The following GHR variants were observed in gnomAD, a reference collection of about 807,000 sequenced individuals.
GHR encodes the protein GH receptor.
GHR carries 35 observed loss-of-function variants against 67.1 expected under a neutral mutation model. The ratio of observed to expected loss-of-function variants is 0.52; its 90% CI spans 0.40 to 0.69. The LOEUF (loss-of-function observed/expected upper bound fraction) is 0.69, where lower values mean the gene tolerates loss of function less well. GHR is among the 30% of genes least tolerant of loss of function. GHR has a pLI of 0.00. For synonymous variants in GHR, 272 were observed against 269.1 expected (o/e 1.01, Z -0.10); for missense variants, 792 against 764.6 (o/e 1.04, Z -0.42).
chr5:42,681,970 G>A (rs1371780515), intron 3 of GHR, among the ~76,000 whole-genome samples: 3 of 146,932 alleles, frequency 2.0e-5, no homozygotes, highest in Admixed American at 1.4e-4. Flanking sequence ...ATATGCACAC[G>A]TACGTTTACT....
intron 1 of GHR, among the ~76,000 whole-genome samples, chr5:42,482,241 A>G (rs1009974022): frequency 2.0e-5 from 3 of 152,110 alleles, no homozygotes; most frequent in Non-Finnish European, 1.5e-5. Flanking sequence ...TTCCTCTGGA[A>G]GTTTTGTCTC....
chr5:42,512,037 T>C (rs1309856558), intron 1 of GHR, among the ~76,000 whole-genome samples: 1 of 152,162 alleles, frequency 6.6e-6, no homozygotes. Flanking sequence ...AATTAATATT[T>C]GATGGAAATT....
chr5:42,646,700 C>T (rs981651647), intron 3 of GHR, among the ~76,000 whole-genome samples: 2 of 151,972 alleles, frequency 1.3e-5, no homozygotes, highest in Non-Finnish European at 2.9e-5. Flanking sequence ...AAATATTGTC[C>T]CACTTTCAGT....
intron 1 of GHR, among the ~76,000 whole-genome samples, chr5:42,559,538 C>A (rs568112198): frequency 9.2e-5 from 14 of 152,092 alleles, no homozygotes; most frequent in Non-Finnish European, 1.9e-4. Flanking sequence ...CAGAGTGAGA[C>A]CCATGTCTCT....
intron 1 of GHR, among the ~76,000 whole-genome samples, chr5:42,482,148 C>T (rs982669961): frequency 1.3e-5 from 2 of 151,670 alleles, no homozygotes; most frequent in Non-Finnish European, 2.9e-5. Flanking sequence ...GACGTCCACT[C>T]CAGACCCTGT....
chr5:42,534,871 A>T (rs1415676385), intron 1 of GHR, among the ~76,000 whole-genome samples: 2 of 151,952 alleles, frequency 1.3e-5, no homozygotes, highest in Non-Finnish European at 2.9e-5. Context: ...CAGGAGCAAC[A>T]TGGTATCACA....
At position 42,456,296 on chromosome 5, in the gene GHR, C is replaced by T. The variant is rs138446694; in HGVS notation, c.-12+32341C>T. On this transcript the variant is annotated intron_variant, in intron 1 of 9. Coordinates refer to ENST00000230882, the MANE Select transcript of GHR (RefSeq NM_000163.5). ...ACTGCACTGCAGCCTGGTGACAGAGCGAGACTCCGTCTCAAAATAAATAAA... is the reference window on the plus strand; with the variant it reads ...ACTGCACTGCAGCCTGGTGACAGAGTGAGACTCCGTCTCAAAATAAATAAA... Among the ~76,000 whole-genome samples the T allele has an allele frequency of 3.9e-3, 595 of 152,166 alleles. 3 individuals carry two copies. Among genetic ancestry groups the T allele is most frequent in the African/African-American group, 0.014 (575 of 41,508 alleles).
intron 1 of GHR, among the ~76,000 whole-genome samples, chr5:42,524,401 G>A (rs948003865): frequency 7.2e-5 from 11 of 152,172 alleles, no homozygotes; most frequent in African/African-American, 2.4e-4. Context: ...CTTTGAAAGT[G>A]AGAGATGATT....
At chr5:42,474,295 G>GAGAAAGAAAAAGAA (rs1745163788) in intron 1 of GHR, among the ~76,000 whole-genome samples, 5 of 81,112 alleles carry the variant, frequency 6.2e-5, no homozygotes, top group Admixed American at 2.7e-4. Context: ...AAAAGAGAAA[G>GAGAAAGAAAAAGAA]AGAAAGAAAG....
chr5:42,507,279 A>G (rs747362677), intron 1 of GHR, among the ~76,000 whole-genome samples: 2 of 152,252 alleles, frequency 1.3e-5, no homozygotes, highest in Non-Finnish European at 2.9e-5. Flanking sequence ...CCTTGATTCA[A>G]GAAGTGAAAC....
chr5:42,498,051 A>G lies in GHR; in HGVS notation c.-11-67813A>G, dbSNP rs140412869. 1.2e-3 allele frequency among the ~76,000 whole-genome samples: 180 copies of G among 152,342 alleles called. 5 individuals are homozygous for G. The East Asian group carries it at 0.031, about 26-fold the overall frequency. ...TTTTGCGTTAGAAGAGCATTTGGAT[A>G]CATCCTGATAATTACTTTATCTCAG... On this transcript the variant is annotated intron_variant, in intron 1 of 9. Transcript: ENST00000230882.
rs548591561 is a variant in GHR at position 42,529,112 on chromosome 5, C to T, written c.-11-36752C>T. Among the ~76,000 whole-genome samples, 8 of 151,424 alleles carry T rather than the reference C, an allele frequency of 5.3e-5. No homozygotes were observed. In the East Asian group the frequency reaches 5.8e-4, roughly 11 times the overall value. On this transcript the variant is annotated intron_variant, in intron 1 of 9. Transcript: ENST00000230882. ...CTGCAAGCTCTGCCTCCCGGGTTCACGCCATTCTCCTGCCTCAGCCTCCCG... is the reference window on the plus strand; with the variant it reads ...CTGCAAGCTCTGCCTCCCGGGTTCATGCCATTCTCCTGCCTCAGCCTCCCG...
chr5:42,697,439 T>C (rs1757727797), intron 5 of GHR, among the ~76,000 whole-genome samples: 1 of 151,672 alleles, frequency 6.6e-6, no homozygotes. Context: ...GTTGGAGAGG[T>C]TGCAGTGTTG....
At chr5:42,706,208 C>G (rs1178444102) in intron 6 of GHR, among the ~76,000 whole-genome samples, 1 of 152,084 alleles carries the variant, frequency 6.6e-6, no homozygotes, top group East Asian at 1.9e-4. Context: ...TGAAAAGTGT[C>G]TGTTTATGCC....
intron 2 of GHR, among the ~76,000 whole-genome samples, chr5:42,618,883 G>T (rs1408864595): frequency 1.3e-5 from 2 of 152,122 alleles, no homozygotes; most frequent in Non-Finnish European, 2.9e-5. Context: ...GGAATGGAGA[G>T]AAATGAACCC....
intron 3 of GHR, among the ~76,000 whole-genome samples, chr5:42,641,011 A>G (rs56350930): frequency 0.3 from 45,666 of 152,020 alleles, 7,796 homozygotes; most frequent in African/African-American, 0.46. Context: ...CAGGCACTCA[A>G]ACAGAAAGGT....
In GHR at chr5:42,532,237, G is replaced by A. The variant is rs560009970; in HGVS notation, c.-11-33627G>A. On this transcript the variant is annotated intron_variant, in intron 1 of 9. Coordinates refer to ENST00000230882, the MANE Select transcript of GHR (RefSeq NM_000163.5). ...CATGAGGGCAGCTTGAAGGAACATG[G>A]GGTTGAGAGTCAAGTCATCAGAACT... Among the ~76,000 whole-genome samples, 5 of 152,174 alleles carry A rather than the reference G, an allele frequency of 3.3e-5. No homozygotes were observed. In the South Asian group the frequency reaches 1.0e-3, roughly 32 times the overall value.
intron 1 of GHR, among the ~76,000 whole-genome samples, chr5:42,449,909 C>G (rs2111994233): frequency 6.6e-6 from 1 of 152,122 alleles, no homozygotes; most frequent in East Asian, 1.9e-4. Context: ...GTTTTTAATT[C>G]TGTTTATGTG....
At chr5:42,496,785 G>T (rs1259870617) in intron 1 of GHR, among the ~76,000 whole-genome samples, 3 of 152,016 alleles carry the variant, frequency 2.0e-5, no homozygotes, top group African/African-American at 7.3e-5. Flanking sequence ...AATCAGTGTG[G>T]TTTCTTCCTA....
Sources: allele counts gnomAD v4.1 joint callset (sites outside exome capture counted in the v4.1 genomes callset), GRCh38; gene constraint gnomAD v4.1.1; transcripts MANE v1.5; gene names NCBI Gene and HGNC (gene_info 2026-07-23, HGNC 2026-07-21).